Variants in ADAMTS18 observed in about 807,000 individuals in gnomAD.
The protein encoded by ADAMTS18 is ADAM metallopeptidase with thrombospondin type 1 motif 18.
Under a neutral mutation model 165.9 loss-of-function variants are expected in ADAMTS18, and 157 were observed. The ratio of observed to expected loss-of-function variants is 0.95; its 90% CI spans 0.83 to 1.08. The LOEUF is 1.08. Ranked by LOEUF, ADAMTS18 falls within the 50% of genes least tolerant of loss-of-function variation. The pLI, the probability that ADAMTS18 is intolerant of heterozygous loss-of-function variation, is 0.00. For synonymous variants in ADAMTS18, 782 were observed against 578.2 expected, an observed-to-expected ratio of 1.35 and a Z score of -5.06; for missense variants, 2,040 against 1,534.0, an observed-to-expected ratio of 1.33 and a Z score of -5.51.
intron 4 of ADAMTS18, among the ~76,000 whole-genome samples, chr16:77,366,759 C>T (rs898129436): frequency 1.4e-4 from 21 of 152,036 alleles, no homozygotes; most frequent in South Asian, 4.1e-4. Context: ...TTAAAATAAA[C>T]GCTGGATTTC....
rs530554861 is a variant in ADAMTS18 at position 77,300,196 on chromosome 16, C to A, written c.2674+67G>T. The A allele has an allele frequency of 3.2e-6, 5 of 1,586,030 alleles. No homozygotes were observed. In the South Asian group the frequency reaches 5.6e-5, roughly 18 times the overall value. On this transcript the variant is annotated intron_variant, in intron 17 of 22. Coordinates refer to ENST00000282849, the MANE Select transcript of ADAMTS18 (RefSeq NM_199355.4). ...TATTTAAACCATATTATGTTAAAGACGCCTGGAGTGAAAGAACCTGTTTTA... is the reference window on the plus strand; with the variant it reads ...TATTTAAACCATATTATGTTAAAGAAGCCTGGAGTGAAAGAACCTGTTTTA...
chr16:77,350,100 G>C (rs1006466298), intron 10 of ADAMTS18, among the ~76,000 whole-genome samples: 1 of 152,168 alleles, frequency 6.6e-6, no homozygotes, highest in Non-Finnish European at 1.5e-5. Flanking sequence ...CTCACTCATG[G>C]AGTCAGTAAG....
chr16:77,296,793 C>G lies in ADAMTS18; in HGVS notation c.2801+496G>C, dbSNP rs2055481587. 3.3e-5 allele frequency among the ~76,000 whole-genome samples: 5 copies of G among 152,072 alleles called. 1 individual carries two copies. The South Asian group carries it at 1.0e-3, about 32-fold the overall frequency. ...TATCATGAGGCCACTGTACTCCAGC[C>G]TGGGCAACAGAGTGAGACTCCTTGT... On this transcript the variant is annotated intron_variant, in intron 18 of 22. Transcript: ENST00000282849.
chr16:77,355,907 C>A (rs751670556), intron 9 of ADAMTS18, 33 bp downstream of exon 9: 2 of 1,613,612 alleles, frequency 1.2e-6, no homozygotes, highest in Non-Finnish European at 1.7e-6. Flanking sequence ...TCACTCCAAA[C>A]CTAGGAGCAC....
intron 3 of ADAMTS18, among the ~76,000 whole-genome samples, chr16:77,408,506 C>T (rs568709423): frequency 3.3e-5 from 5 of 152,220 alleles, no homozygotes; most frequent in Admixed American, 2.6e-4. Context: ...AGGTGAGATA[C>T]TTTGAAGAAA....
At chr16:77,390,740 C>T (rs532940623) in intron 3 of ADAMTS18, among the ~76,000 whole-genome samples, 4 of 152,046 alleles carry the variant, frequency 2.6e-5, no homozygotes, top group Middle Eastern at 3.4e-3. Context: ...TGATGGCTTC[C>T]TTTAGACACT....
intron 22 of ADAMTS18, among the ~76,000 whole-genome samples, chr16:77,284,708 A>C (rs1283662639): frequency 6.6e-6 from 1 of 152,184 alleles, no homozygotes; most frequent in Non-Finnish European, 1.5e-5. Flanking sequence ...GGGAGCTACC[A>C]TGGAATTCAG....
intron 16 of ADAMTS18, among the ~76,000 whole-genome samples, chr16:77,311,459 G>A (rs1597106838): frequency 6.6e-6 from 1 of 152,096 alleles, no homozygotes; most frequent in East Asian, 1.9e-4. Flanking sequence ...ATACAGCCAT[G>A]GATCACTTGG....
At chr16:77,322,297 A>T in intron 14 of ADAMTS18, 39 bp downstream of exon 14, 1 of 1,611,706 alleles carries the variant, frequency 6.2e-7, no homozygotes, top group South Asian at 1.1e-5. Context: ...ATAAAACACA[A>T]GCATGCTCAT....
intron 10 of ADAMTS18, among the ~76,000 whole-genome samples, chr16:77,344,123 ATGTATACATACATATATATGTATGTG>A (rs2056439911): frequency 6.8e-6 from 1 of 146,182 alleles, no homozygotes; most frequent in Non-Finnish European, 1.5e-5. Context: ...ATATATATGT[ATGTATACATACATATATATGTATGTG>A]TGTGTGTATA....
At chr16:77,382,065 T>G (rs552987012) in intron 3 of ADAMTS18, among the ~76,000 whole-genome samples, 142 of 152,280 alleles carry the variant, frequency 9.3e-4, no homozygotes, top group African/African-American at 3.3e-3. Flanking sequence ...TACTCTGCCT[T>G]GCAACAGCCG....
Position 77,414,058 on chromosome 16 carries a change from G to A in ADAMTS18, c.495+17237C>T, listed in dbSNP as rs1464937634. Among the ~76,000 whole-genome samples the A allele has an allele frequency of 2.6e-5, 4 of 152,062 alleles. No homozygotes were observed. In the East Asian group the frequency reaches 7.7e-4, roughly 29 times the overall value. Reference sequence around the variant, plus strand: ...TAGAAACTATATGACCCATATAATGGGTGCATATTAGCCAGAATTCTGCAG... The same window carrying A: ...TAGAAACTATATGACCCATATAATGAGTGCATATTAGCCAGAATTCTGCAG... On this transcript the variant is annotated intron_variant, in intron 3 of 22. Transcript: ENST00000282849.
intron 3 of ADAMTS18, among the ~76,000 whole-genome samples, chr16:77,421,638 G>A (rs903360034): frequency 6.6e-6 from 1 of 152,316 alleles, no homozygotes; most frequent in Admixed American, 6.5e-5. Flanking sequence ...TGTTATACAA[G>A]CCAGGTATTA....
At chr16:77,424,092 C>T (rs1323985039) in intron 3 of ADAMTS18, among the ~76,000 whole-genome samples, 1 of 152,096 alleles carries the variant, frequency 6.6e-6, no homozygotes. Context: ...ATGAGAAAAC[C>T]AAGGCCCAGA....
At chr16:77,345,643 C>G (rs76638688) in intron 10 of ADAMTS18, among the ~76,000 whole-genome samples, 4,738 of 152,242 alleles carry the variant, frequency 0.031, 88 homozygotes, top group South Asian at 0.052. Flanking sequence ...CTACATGTGG[C>G]TTGTTAAACC....
intron 3 of ADAMTS18, among the ~76,000 whole-genome samples, chr16:77,408,229 T>C (rs1351970065): frequency 6.6e-6 from 1 of 152,110 alleles, no homozygotes; most frequent in Non-Finnish European, 1.5e-5. Context: ...ATGAGGAACA[T>C]GTGGAACTTG....
chr16:77,401,548 T>C (rs1466099359), intron 3 of ADAMTS18, among the ~76,000 whole-genome samples: 2 of 152,212 alleles, frequency 1.3e-5, no homozygotes, highest in East Asian at 3.9e-4. Context: ...GTCACTGTAG[T>C]ATGCTCTCCA....
At chr16:77,370,649 C>G (rs1231074355) in intron 3 of ADAMTS18, among the ~76,000 whole-genome samples, 1 of 152,064 alleles carries the variant, frequency 6.6e-6, no homozygotes, top group Non-Finnish European at 1.5e-5. Flanking sequence ...ACTCAGGAGG[C>G]TGAGACAGGA....
At chr16:77,299,645 A>G (rs1261375994) in intron 17 of ADAMTS18, among the ~76,000 whole-genome samples, 3 of 152,212 alleles carry the variant, frequency 2.0e-5, no homozygotes, top group Non-Finnish European at 2.9e-5. Flanking sequence ...CAAGTGTGAC[A>G]ATGGTTTAAC....
Sources: gnomAD v4.1 joint callset for allele counts (sites outside exome capture counted in the v4.1 genomes callset) on GRCh38, gnomAD v4.1.1 for gene constraint, MANE v1.5 for transcripts, NCBI Gene and HGNC (gene_info 2026-07-23, HGNC 2026-07-21) for gene names.